Variants in RSPH14 observed in about 807,000 individuals in gnomAD.
The protein encoded by RSPH14 is radial spoke head 14 homolog, also known as rhabdoid tumor deletion region gene 1.
A neutral mutation model predicts 26.7 loss-of-function variants in RSPH14; 20 were observed. That is an observed-to-expected ratio of 0.75 (90% CI 0.53 to 1.09). RSPH14 has a LOEUF of 1.09. RSPH14 is among the 50% of genes least tolerant of loss of function. The probability of loss-of-function intolerance (pLI) is 0.00; values close to 1 mark genes in which losing one functional copy is unlikely to be tolerated. For missense variants in RSPH14, 449 were observed against 457.2 expected (o/e 0.98, Z 0.16); for synonymous variants, 177 against 189.3 (o/e 0.93, Z 0.53).
At chr22:23,124,103 T>C (rs2070107203) in intron 4 of RSPH14, 1 of 210,218 alleles carries the variant, frequency 4.8e-6, no homozygotes. Flanking sequence ...TGGCACGATT[T>C]ATTTCAAACT....
At chr22:23,169,997 T>G in the RSPH14 span, among the ~76,000 whole-genome samples, 14 of 150,606 alleles carry the variant, frequency 9.3e-5, no homozygotes, top group African/African-American at 3.2e-4. Flanking sequence ...CTTGTGAGGC[T>G]GAGGTGGAAG....
chr22:23,136,268 G>A, intron 3 of RSPH14: 1 of 711,798 alleles, frequency 1.4e-6, no homozygotes, highest in South Asian at 1.5e-5. Flanking sequence ...TCCTCAAGGT[G>A]ACAAGATGCC....
intron 4 of RSPH14, among the ~76,000 whole-genome samples, chr22:23,084,551 C>A (rs1253682468): frequency 2.0e-5 from 3 of 152,218 alleles, no homozygotes; most frequent in Non-Finnish European, 2.9e-5. Context: ...GGCCTTCTTG[C>A]AGACAGCCAC....
chr22:23,114,165 C>T (rs1459751924), intron 4 of RSPH14, among the ~76,000 whole-genome samples: 1 of 152,220 alleles, frequency 6.6e-6, no homozygotes. Context: ...CAGCTGCAGG[C>T]TGGGTGGCCG....
intron 4 of RSPH14, among the ~76,000 whole-genome samples, chr22:23,117,985 A>G (rs1227697130): frequency 3.3e-5 from 5 of 152,206 alleles, no homozygotes; most frequent in Non-Finnish European, 7.4e-5. Context: ...TCTGGCCAGC[A>G]GTCTGGCAGC....
chr22:23,149,951 C>T, upstream of RSPH14: 1 of 814,162 alleles, frequency 1.2e-6, no homozygotes. Flanking sequence ...AGGCTGCCAG[C>T]TGTGAGGCCT....
the RSPH14 span, among the ~76,000 whole-genome samples, chr22:23,157,313 C>CA: frequency 1.3e-5 from 2 of 151,638 alleles, no homozygotes. Flanking sequence ...TGCAGTGGCG[C>CA]AATCTCGGCT....
chr22:23,063,856 G>A, intron 5 of RSPH14, 46 bp downstream of exon 5: 1 of 1,585,668 alleles, frequency 6.3e-7, no homozygotes, highest in Non-Finnish European at 8.6e-7. Context: ...CAGCTCAGGT[G>A]CCTTCTCCCA....
intron 4 of RSPH14, among the ~76,000 whole-genome samples, chr22:23,127,967 A>G (rs181045911): frequency 4.0e-4 from 61 of 151,948 alleles, no homozygotes; most frequent in Non-Finnish European, 7.4e-5. Flanking sequence ...AGGGTCATCC[A>G]TCTCCACCCC....
chr22:23,158,326 C>A, the RSPH14 span, among the ~76,000 whole-genome samples: 5 of 152,350 alleles, frequency 3.3e-5, no homozygotes, highest in East Asian at 9.6e-4. Context: ...ACTGCCTTTG[C>A]CATGTTGCAA....
chr22:23,061,730 A>T (rs1395348122), intron 6 of RSPH14, 79 bp downstream of exon 6: 12 of 1,532,128 alleles, frequency 7.8e-6, no homozygotes, highest in Non-Finnish European at 1.1e-5. Context: ...GACGATACCC[A>T]GCCCCTGAGT....
At chr22:23,091,113 C>T (rs959819659) in intron 4 of RSPH14, among the ~76,000 whole-genome samples, 6 of 152,214 alleles carry the variant, frequency 3.9e-5, no homozygotes, top group Admixed American at 2.0e-4. Flanking sequence ...GCTGCACACA[C>T]GCACAACCAC....
At chr22:23,099,817 A>G (rs1826840157) in intron 4 of RSPH14, among the ~76,000 whole-genome samples, 1 of 152,264 alleles carries the variant, frequency 6.6e-6, no homozygotes. Flanking sequence ...ACTGAGGGAC[A>G]GACACAGGTG....
intron 4 of RSPH14, among the ~76,000 whole-genome samples, chr22:23,117,778 C>T (rs2069894427): frequency 6.6e-6 from 1 of 152,238 alleles, no homozygotes; most frequent in South Asian, 2.1e-4. Context: ...GCAGCATGCA[C>T]CGGCAGTGAG....
intron 4 of RSPH14, among the ~76,000 whole-genome samples, chr22:23,079,340 G>T (rs2068606479): frequency 6.6e-6 from 1 of 152,246 alleles, no homozygotes; most frequent in African/African-American, 2.4e-5. Flanking sequence ...CGGAAGCGAA[G>T]TCCACTTGGC....
intron 4 of RSPH14, chr22:23,122,658 A>G (rs1030687085): frequency 1.1e-4 from 21 of 188,570 alleles, no homozygotes; most frequent in African/African-American, 4.7e-4. Context: ...TGAGGGAGCT[A>G]TGATGTGACG....
intron 4 of RSPH14, among the ~76,000 whole-genome samples, chr22:23,099,798 C>G (rs2069241826): frequency 1.3e-5 from 2 of 152,230 alleles, no homozygotes; most frequent in South Asian, 4.1e-4. Context: ...CTGGCACCTA[C>G]CAGCCCACAC....
chr22:23,149,989 C>T, upstream of RSPH14: 1 of 1,184,300 alleles, frequency 8.4e-7, no homozygotes, highest in African/African-American at 1.5e-5. Flanking sequence ...AGATCATCTC[C>T]CCTCACTGCT....
At chr22:23,100,273 C>A (rs2069258861) in intron 4 of RSPH14, among the ~76,000 whole-genome samples, 2 of 152,248 alleles carry the variant, frequency 1.3e-5, no homozygotes, top group African/African-American at 2.4e-5. Flanking sequence ...CCCTGTCTTT[C>A]TAGAGCTGGC....
Sources: allele counts gnomAD v4.1 joint callset (sites outside exome capture counted in the v4.1 genomes callset), GRCh38; gene constraint gnomAD v4.1.1; transcripts MANE v1.5; gene names NCBI Gene and HGNC (gene_info 2026-07-23, HGNC 2026-07-21).